Variants in SEPTIN5 observed in about 807,000 individuals in gnomAD.
The protein encoded by SEPTIN5 is septin 5.
Under a neutral mutation model 51.2 loss-of-function variants are expected in SEPTIN5, and 16 were observed. The observed-to-expected ratio is 0.31, with a 90% CI of 0.21 to 0.47. The LOEUF is 0.47. Ranked by LOEUF, SEPTIN5 falls within the 20% of genes least tolerant of loss-of-function variation. The pLI, the probability that SEPTIN5 is intolerant of heterozygous loss-of-function variation, is 0.99. For missense variants in SEPTIN5, 376 were observed against 500.3 expected, an observed-to-expected ratio of 0.75 and a Z score of 2.37; for synonymous variants, 208 against 191.2, an observed-to-expected ratio of 1.09 and a Z score of -0.72.
Position 19,723,183 on chromosome 22 carries a change from G to A in SEPTIN5, c.*699G>A. The A allele has an allele frequency of 1.7e-6, 1 of 587,620 alleles. No homozygotes were observed. The highest frequency in any genetic ancestry group is 3.2e-6 in the Non-Finnish European group (1 of 311,838). The allele number at this position is 587,620 out of a possible 1,614,324, so 36.4% of individuals were successfully genotyped here. ...GCCTCTTCTCCCCAGCACCGCTGTG[G>A]TGTGCCGGGATCCTGAGCCTAGGCC... is the stretch of plus-strand genomic sequence containing the variant. On this transcript the variant is annotated 3_prime_UTR_variant, in exon 12 of 12. Transcript: ENST00000455784.
chr22:19,718,572 G>C (rs763519235), intron 2 of SEPTIN5: 1 of 1,288,960 alleles, frequency 7.8e-7, no homozygotes, highest in South Asian at 3.3e-5. Context: ...GATCCCCCGG[G>C]TAGGCGACGT....
intron 2 of SEPTIN5, chr22:19,718,997 C>G (rs1045992548): frequency 1.5e-5 from 9 of 583,090 alleles, no homozygotes; most frequent in Middle Eastern, 1.0e-3. Flanking sequence ...CCAGGCCTCA[C>G]CTCACGCGAC....
rs1017060231 is a variant in SEPTIN5 at position 19,715,535 on chromosome 22, T to TG, written c.54+751dup. Among the ~76,000 whole-genome samples the TG allele has an allele frequency of 4.8e-4, 60 of 125,898 alleles. 1 individual carries two copies. The highest frequency in any genetic ancestry group is 1.7e-3 in the African/African-American group (57 of 34,262). 82.6% of individuals were successfully genotyped at this position (125,898 alleles called of 152,430 possible). On this transcript the variant is annotated intron_variant, in intron 2 of 11. Coordinates refer to ENST00000455784, the MANE Select transcript of SEPTIN5 (RefSeq NM_002688.6). ...GGCGGGGGCTGACAACCAGGTGGGC[T>TG]GGGGGGGCTGGGGAAAGCCTGCTGG...
intron 4 of SEPTIN5, 94 bp downstream of exon 4, chr22:19,719,986 C>T: frequency 6.2e-7 from 1 of 1,600,730 alleles, no homozygotes; most frequent in Non-Finnish European, 8.5e-7. Context: ...TCCCACTGTT[C>T]TGTTCTCGCG....
rs971474046 is a variant in SEPTIN5, at chr22:19,723,139, T to C, written c.*655T>C. 3.6e-6 allele frequency: 2 copies of C among 554,952 alleles called. No individual in the cohort carries two copies. The highest frequency in any genetic ancestry group is 3.7e-5 in the African/African-American group (2 of 54,552). The allele number at this position is 554,952 out of a possible 1,614,324, so 34.4% of individuals were successfully genotyped here. On this transcript the variant is annotated 3_prime_UTR_variant, in exon 12 of 12. Coordinates refer to ENST00000455784, the MANE Select transcript of SEPTIN5 (RefSeq NM_002688.6). ...CACCTCCTGGCAACTCTCGGTGCCG[T>C]CCCCTGCCCTCGCTCGAGGCCTCTT...
chr22:19,720,153 G>A lies in SEPTIN5; in HGVS notation c.277G>A (p.Val93Met), dbSNP rs761509100. 4 of 1,613,428 alleles carry A rather than the reference G, an allele frequency of 2.5e-6. No individual in the cohort carries two copies. Residue 93 changes from valine to methionine, a missense_variant, in exon 5 of 12, where the codon GTG (valine) becomes ATG (methionine). Coordinates refer to ENST00000455784, the MANE Select transcript of SEPTIN5 (RefSeq NM_002688.6). Reference sequence around the variant, plus strand: ...GACGGTAGAGATTCTAAAACACACGGTGGACATTGAGGAGAAGGGAGTCAA... The same window carrying A: ...GACGGTAGAGATTCTAAAACACACGATGGACATTGAGGAGAAGGGAGTCAA... Reference protein sequence around the residue: ...SQTVEILKHTVDIEEKGVKLK... With the variant: ...SQTVEILKHTMDIEEKGVKLK...
intron 2 of SEPTIN5, chr22:19,718,652 C>T (rs1935956984): frequency 7.8e-7 from 1 of 1,287,152 alleles, no homozygotes; most frequent in South Asian, 3.3e-5. Flanking sequence ...CAGAGCCGCG[C>T]CAAGGTCCCT....
chr22:19,715,656 A>G (rs1935902231), intron 2 of SEPTIN5, among the ~76,000 whole-genome samples: 1 of 152,128 alleles, frequency 6.6e-6, no homozygotes, highest in Admixed American at 6.5e-5. Flanking sequence ...TCAGGGATGG[A>G]GTTTCTCAGG....
At chr22:19,721,214 A>G (rs1601243834) in intron 8 of SEPTIN5, among the ~76,000 whole-genome samples, 1 of 152,152 alleles carries the variant, frequency 6.6e-6, no homozygotes, top group Admixed American at 6.5e-5. Flanking sequence ...CCAGTGGCAC[A>G]CCCTGGCTCC....
chr22:19,721,571 G>T, intron 8 of SEPTIN5, 69 bp from the exon 9 acceptor site: 1 of 1,549,752 alleles, frequency 6.5e-7, no homozygotes, highest in Non-Finnish European at 8.9e-7. Flanking sequence ...GGAGTTACAT[G>T]CCCGTTTCCC....
chr22:19,722,631 G>T lies in SEPTIN5; in HGVS notation c.*147G>T. The T allele has an allele frequency of 1.4e-5, 12 of 875,252 alleles. No homozygotes were observed. Among genetic ancestry groups the T allele is most frequent in the Non-Finnish European group, 2.1e-5 (12 of 566,076 alleles). 54.2% of individuals were successfully genotyped at this position (875,252 alleles called of 1,614,324 possible). On this transcript the variant is annotated 3_prime_UTR_variant, in exon 12 of 12. Transcript: ENST00000455784. ...GCACCACCCCCTCCCAGGTCATTGT[G>T]TCTGTTTCCGAGGGGCCTGGACCGT...
In SEPTIN5 at chr22:19,721,805, C is replaced by G. The variant is rs751466295; in HGVS notation, c.815-17C>G. 6.2e-7 allele frequency: 1 copy of G among 1,603,210 alleles called. No individual in the cohort carries two copies. The highest frequency in any genetic ancestry group is 1.1e-5 in the South Asian group (1 of 90,512). ...TCCTGGGCCGGCGCCAGCCCACTAC[C>G]CACCCCCACCCCGCAGTGGAGAACC... On this transcript the variant is annotated splice_polypyrimidine_tract_variant and intron_variant, in intron 9 of 11. Coordinates refer to ENST00000455784, the MANE Select transcript of SEPTIN5 (RefSeq NM_002688.6).
At position 19,714,726 on chromosome 22, in the gene SEPTIN5, G is replaced by A. The variant is rs185261636; in HGVS notation, c.44-55G>A. 3.4e-6 allele frequency: 5 copies of A among 1,479,060 alleles called. No individual in the cohort carries two copies. The highest frequency in any genetic ancestry group is 5.1e-5 in the East Asian group (2 of 39,324). 91.6% of individuals were successfully genotyped at this position (1,479,060 alleles called of 1,614,324 possible). A position where few individuals can be genotyped will look rare whatever the true frequency, so the allele number is the denominator to read the frequency against. Reference sequence around the variant, plus strand: ...TCTCTCCGTCTCTCCCCCGCCCGCCGGCCCGGACCCGCTCGGAACCGGACC... The same window carrying A: ...TCTCTCCGTCTCTCCCCCGCCCGCCAGCCCGGACCCGCTCGGAACCGGACC... On this transcript the variant is annotated intron_variant, in intron 1 of 11. Coordinates refer to ENST00000455784, the MANE Select transcript of SEPTIN5 (RefSeq NM_002688.6). The surrounding 1 kb of genome is among the most constrained non-coding windows in gnomAD (Gnocchi z 5.2).
chr22:19,721,592 G>C, intron 8 of SEPTIN5, 48 bp from the exon 9 acceptor site: 1 of 1,600,758 alleles, frequency 6.2e-7, no homozygotes, highest in East Asian at 2.2e-5. Flanking sequence ...ATCAGTAACC[G>C]TGCAATTACG....
Position 19,722,913 on chromosome 22 carries a change from C to G in SEPTIN5, c.*429C>G. On this transcript the variant is annotated 3_prime_UTR_variant, in exon 12 of 12. Coordinates refer to ENST00000455784, the MANE Select transcript of SEPTIN5 (RefSeq NM_002688.6). ...GCTCCCGCGGGTCACCCAGCGAGTG[C>G]TGAGACCCCATTTTCTGTCGAGGCG... is the stretch of plus-strand genomic sequence containing the variant. 3 of 446,780 alleles carry G rather than the reference C, an allele frequency of 6.7e-6. No individual in the cohort carries two copies. 27.7% of individuals were successfully genotyped at this position (446,780 alleles called of 1,614,324 possible). A position where few individuals can be genotyped will look rare whatever the true frequency, so the allele number is the denominator to read the frequency against.
At position 19,722,420 on chromosome 22, in the gene SEPTIN5, G is replaced by A. The variant is rs1475294860; in HGVS notation, c.1054-8G>A. 3.8e-6 allele frequency: 6 copies of A among 1,599,662 alleles called. No individual in the cohort carries two copies. Among genetic ancestry groups the A allele is most frequent in the Admixed American group, 3.4e-5 (2 of 58,660 alleles). On this transcript the variant is annotated splice_polypyrimidine_tract_variant and splice_region_variant and intron_variant, in intron 11 of 11. Coordinates refer to ENST00000455784, the MANE Select transcript of SEPTIN5 (RefSeq NM_002688.6). ...GCTGCTCACCCGCCGGGTTGTCTCC[G>A]CCCGCAGCTGAGGCGCATGCAGGAG... is the stretch of plus-strand genomic sequence containing the variant.
intron 2 of SEPTIN5, among the ~76,000 whole-genome samples, chr22:19,716,662 G>A (rs746403232): frequency 6.6e-6 from 1 of 152,214 alleles, no homozygotes. Context: ...TGGCAGGGCA[G>A]GTGGGTTGAA....
Position 19,722,276 on chromosome 22 carries a change from G to T in SEPTIN5, c.990G>T (p.Pro330=), listed in dbSNP as rs528611916. ...TQDSRMESPI[P]ILPLPTPDAE... ...ACAGCCGCATGGAGAGCCCCATCCCGATCCTGCCGCTGCCCACCCCGGACG... is the reference window on the plus strand; with the variant it reads ...ACAGCCGCATGGAGAGCCCCATCCCTATCCTGCCGCTGCCCACCCCGGACG... The change falls in exon 11 of 12, where the codon CCG becomes CCT. Residue 330 remains proline (P), a synonymous_variant. Coordinates refer to ENST00000455784, the MANE Select transcript of SEPTIN5 (RefSeq NM_002688.6). 6 of 1,610,848 alleles carry T rather than the reference G, an allele frequency of 3.7e-6. No homozygotes were observed. Among genetic ancestry groups the T allele is most frequent in the Middle Eastern group, 1.7e-4 (1 of 6,026 alleles).
At chr22:19,720,032 G>A in intron 4 of SEPTIN5, 83 bp from the exon 5 acceptor site, 6 of 1,607,632 alleles carry the variant, frequency 3.7e-6, no homozygotes, top group Non-Finnish European at 5.1e-6. Flanking sequence ...AAGGCACCAA[G>A]ATGGATGAGG....
Sources: allele counts gnomAD v4.1 joint callset (sites outside exome capture counted in the v4.1 genomes callset), GRCh38; gene constraint gnomAD v4.1.1; non-coding constraint Gnocchi (gnomAD v3.1); transcripts MANE v1.5; gene names NCBI Gene and HGNC (gene_info 2026-07-23, HGNC 2026-07-21).